SDC2: variants seen among roughly 807,000 people sequenced by gnomAD.
The protein encoded by SDC2 is syndecan 2.
A neutral mutation model predicts 22.2 loss-of-function variants in SDC2; 13 were observed. The observed-to-expected ratio is 0.59, with a 90% confidence interval of 0.38 to 0.93. SDC2 has a LOEUF of 0.93. Ranked by LOEUF, SDC2 falls within the 40% of genes least tolerant of loss-of-function variation. SDC2 has a pLI of 0.00. For missense variants in SDC2, 235 were observed against 246.8 expected, an observed-to-expected ratio of 0.95 and a Z score of 0.32; for synonymous variants, 94 against 92.8, an observed-to-expected ratio of 1.01 and a Z score of -0.07.
chr8:96,527,124 A>G (rs1479023821), intron 1 of SDC2, among the ~76,000 whole-genome samples: 1 of 152,196 alleles, frequency 6.6e-6, no homozygotes, highest in East Asian at 1.9e-4. Context: ...GTAGGTGCTT[A>G]GTAAATACTG....
At chr8:96,508,361 C>T (rs373083077) in intron 1 of SDC2, among the ~76,000 whole-genome samples, 13 of 149,426 alleles carry the variant, frequency 8.7e-5, no homozygotes, top group African/African-American at 3.2e-4. Context: ...GGTGTGGTCG[C>T]GGGCACCTGT....
intron 1 of SDC2, among the ~76,000 whole-genome samples, chr8:96,541,675 G>A (rs538507916): frequency 4.2e-5 from 5 of 117,730 alleles, no homozygotes; most frequent in South Asian, 5.8e-4. Context: ...GTACAATGGC[G>A]GCTGCCAGGG....
chr8:96,561,177 C>T (rs1814204226), intron 1 of SDC2, among the ~76,000 whole-genome samples: 1 of 152,094 alleles, frequency 6.6e-6, no homozygotes, highest in Admixed American at 6.6e-5. Context: ...CCAAGTGATT[C>T]CACACATTGG....
intron 1 of SDC2, among the ~76,000 whole-genome samples, chr8:96,544,620 A>G (rs887969533): frequency 2.6e-5 from 4 of 151,908 alleles, no homozygotes; most frequent in East Asian, 1.9e-4. Flanking sequence ...ATTCCTCCCT[A>G]CAAGATTGTG....
intron 1 of SDC2, among the ~76,000 whole-genome samples, chr8:96,576,367 TGTTTTTGTTTTGTTTTG>T (rs1814493015): frequency 7.8e-5 from 3 of 38,464 alleles, no homozygotes; most frequent in African/African-American, 2.4e-4. Context: ...ATTGGTAGTT[TGTTTTTGTTTTGTTTTG>T]TTTTTTTTTA....
intron 1 of SDC2, chr8:96,529,238 G>C (rs1011502045): frequency 3.9e-5 from 6 of 152,184 alleles, no homozygotes; most frequent in Non-Finnish European, 8.8e-5. Context: ...ACATCACAGT[G>C]AACCATTCGT....
rs140208116 is a variant in SDC2 at position 96,566,484 on chromosome 8, C to T, written c.61-26996C>T. 8.8e-3 allele frequency among the ~76,000 whole-genome samples: 1,342 copies of T among 152,148 alleles called. 24 individuals carry two copies. The highest frequency in any genetic ancestry group is 0.026 in the African/African-American group (1,083 of 41,534). ...TTTCAGGCATTCAGTTCATAACTATCGAAATGTGGATCATAACAAATTTTG... is the reference window on the plus strand; with the variant it reads ...TTTCAGGCATTCAGTTCATAACTATTGAAATGTGGATCATAACAAATTTTG... On this transcript the variant is annotated intron_variant, in intron 1 of 4. Transcript: ENST00000302190.
At chr8:96,572,476 G>C (rs148061583) in intron 1 of SDC2, among the ~76,000 whole-genome samples, 18 of 152,220 alleles carry the variant, frequency 1.2e-4, no homozygotes, top group African/African-American at 4.3e-4. Flanking sequence ...GAAGCAGAGA[G>C]GTGCCTGCAT....
intron 1 of SDC2, among the ~76,000 whole-genome samples, chr8:96,544,487 T>A (rs932453483): frequency 7.9e-5 from 12 of 152,306 alleles, no homozygotes; most frequent in South Asian, 2.1e-4. Flanking sequence ...GCCGCCTCAA[T>A]GATGTTTTCT....
intron 1 of SDC2, among the ~76,000 whole-genome samples, chr8:96,517,149 T>C (rs1034068831): frequency 2.6e-5 from 4 of 152,196 alleles, no homozygotes; most frequent in African/African-American, 9.6e-5. Flanking sequence ...GGGTATGAAG[T>C]GGTATCTTAT....
At chr8:96,535,743 T>A (rs1018064445) in intron 1 of SDC2, among the ~76,000 whole-genome samples, 1 of 152,198 alleles carries the variant, frequency 6.6e-6, no homozygotes, top group South Asian at 2.1e-4. Context: ...CTATTCCACC[T>A]CCGTTCAAAA....
chr8:96,514,626 A>T (rs1272550073), intron 1 of SDC2, among the ~76,000 whole-genome samples: 1 of 152,092 alleles, frequency 6.6e-6, no homozygotes, highest in Non-Finnish European at 1.5e-5. Context: ...GGCACCAGGG[A>T]CTGGTTTCAT....
chr8:96,508,068 G>A (rs549031617), intron 1 of SDC2, among the ~76,000 whole-genome samples: 43 of 152,166 alleles, frequency 2.8e-4, no homozygotes, highest in Admixed American at 2.4e-3. Flanking sequence ...AGGCCGAGGC[G>A]GGTGGATCAC....
At chr8:96,559,360 G>C (rs1586299596) in intron 1 of SDC2, among the ~76,000 whole-genome samples, 1 of 152,306 alleles carries the variant, frequency 6.6e-6, no homozygotes, top group Non-Finnish European at 1.5e-5. Flanking sequence ...CGACCTTGTT[G>C]GAGGTTGTCT....
intron 1 of SDC2, among the ~76,000 whole-genome samples, chr8:96,510,956 A>C (rs1382720453): frequency 6.6e-6 from 1 of 152,260 alleles, no homozygotes; most frequent in African/African-American, 2.4e-5. Context: ...TCTCAGTGGA[A>C]ATTGAGGTCT....
intron 1 of SDC2, among the ~76,000 whole-genome samples, chr8:96,531,086 T>G (rs1440066776): frequency 6.6e-6 from 1 of 152,198 alleles, no homozygotes; most frequent in Non-Finnish European, 1.5e-5. Flanking sequence ...GCAGCTGTCC[T>G]GGGGCATTCC....
intron 3 of SDC2, among the ~76,000 whole-genome samples, chr8:96,606,375 T>C (rs1428075266): frequency 1.3e-5 from 2 of 152,206 alleles, no homozygotes; most frequent in Non-Finnish European, 2.9e-5. Context: ...TAAACCTCAA[T>C]GAAGTTGACA....
intron 2 of SDC2, among the ~76,000 whole-genome samples, chr8:96,601,609 C>T (rs1186641894): frequency 7.1e-6 from 1 of 140,308 alleles, no homozygotes; most frequent in Non-Finnish European, 1.5e-5. Context: ...CCATTGCACT[C>T]CAGCCTGGTG....
At position 96,593,619 on chromosome 8, in the gene SDC2, C is replaced by A. The variant is rs755287762; in HGVS notation, c.172+28C>A. The A allele has an allele frequency of 6.5e-6, 9 of 1,384,710 alleles. No homozygotes were observed. In the South Asian group the frequency reaches 9.3e-5, roughly 14 times the overall value. The allele number at this position is 1,384,710 out of a possible 1,614,324, so 85.8% of individuals were successfully genotyped here. A position where few individuals can be genotyped will look rare whatever the true frequency, so the allele number is the denominator to read the frequency against. ...AAGGTGGCTGCTTCTAAACACTGGA[C>A]CTCATTCTCCAGGCATGCACGCACA... On this transcript the variant is annotated intron_variant, in intron 2 of 4. Coordinates refer to ENST00000302190, the MANE Select transcript of SDC2 (RefSeq NM_002998.4).
Sources: gnomAD v4.1 joint callset for allele counts (sites outside exome capture counted in the v4.1 genomes callset) on GRCh38, gnomAD v4.1.1 for gene constraint, MANE v1.5 for transcripts, NCBI Gene and HGNC (gene_info 2026-07-23, HGNC 2026-07-21) for gene names.